The following DNAH3 variants were observed in gnomAD, a reference collection of about 807,000 sequenced individuals.
DNAH3 encodes the protein dynein axonemal heavy chain 3.
DNAH3 carries 332 observed loss-of-function variants against 432.5 expected under a neutral mutation model. That is an observed-to-expected ratio of 0.77 (90% confidence interval 0.70 to 0.84). DNAH3 has a LOEUF of 0.84. DNAH3 is among the 40% of genes least tolerant of loss of function. The pLI is 0.00. For synonymous variants in DNAH3, 1,956 were observed against 1,900.2 expected (o/e 1.03, Z -0.76); for missense variants, 4,861 against 5,114.0 (o/e 0.95, Z 1.51).
rs1251778019 is a variant in DNAH3 at position 20,962,209 on chromosome 16, G to C, written c.10600+1075C>G. On this transcript the variant is annotated intron_variant, in intron 53 of 61. Coordinates refer to ENST00000261383, the Ensembl canonical transcript of DNAH3. ...AATAATTAAAAAAAATAATCATTGT[G>C]CACCTGCTACTGAAATAGTGGATCT... is the stretch of plus-strand genomic sequence containing the variant. Among the ~76,000 whole-genome samples, 3 of 151,950 alleles carry C rather than the reference G, an allele frequency of 2.0e-5. No individual in the cohort carries two copies. The South Asian group carries it at 6.3e-4, about 32-fold the overall frequency.
intron 35 of DNAH3, among the ~76,000 whole-genome samples, chr16:21,035,741 G>A (rs2089136409): frequency 1.3e-5 from 2 of 152,090 alleles, no homozygotes; most frequent in African/African-American, 4.8e-5. Context: ...ATAAATTGGG[G>A]TTCAAAATTG....
intron 8 of DNAH3, among the ~76,000 whole-genome samples, chr16:21,126,816 C>G (rs986342921): frequency 1.8e-4 from 27 of 151,980 alleles, no homozygotes; most frequent in African/African-American, 6.5e-4. Context: ...AAGCGTGAAC[C>G]CTACTGTGAA....
At chr16:20,950,403 C>T (rs2084259483) in intron 56 of DNAH3, among the ~76,000 whole-genome samples, 2 of 152,204 alleles carry the variant, frequency 1.3e-5, no homozygotes, top group South Asian at 2.1e-4. Flanking sequence ...CTAGCCTCCA[C>T]TACTATAACT....
chr16:21,151,185 T>C (rs1046739147), intron 1 of DNAH3, among the ~76,000 whole-genome samples: 1 of 152,198 alleles, frequency 6.6e-6, no homozygotes, highest in East Asian at 1.9e-4. Flanking sequence ...TCTCTCCAAG[T>C]GTCCTTTCCG....
chr16:20,982,913 A>C (rs1488606113), exon 49 of DNAH3: 1 of 1,612,600 alleles, frequency 6.2e-7, no homozygotes, highest in Admixed American at 1.7e-5. Flanking sequence ...TTTGTTAATT[A>C]CCTTCCTCCA....
At chr16:21,019,508 G>T in intron 41 of DNAH3, 116 bp downstream of exon 41, 1 of 1,155,874 alleles carries the variant, frequency 8.7e-7, no homozygotes, top group South Asian at 1.5e-5. Context: ...ATTAGCCACC[G>T]TGCCTGGCCT....
At chr16:21,067,250 T>A (rs142401377) in intron 24 of DNAH3, 33 bp downstream of exon 24, 2 of 1,612,360 alleles carry the variant, frequency 1.2e-6, no homozygotes, top group African/African-American at 2.7e-5. Context: ...GGGGCAAGAA[T>A]GTAATTCCAA....
chr16:20,951,339 T>TA (rs1173633461), intron 56 of DNAH3, among the ~76,000 whole-genome samples: 1 of 152,000 alleles, frequency 6.6e-6, no homozygotes, highest in Non-Finnish European at 1.5e-5. Flanking sequence ...CTTATGCCTT[T>TA]AAGAAGTTTG....
At chr16:20,985,604 T>C (rs777014946) in exon 48 of DNAH3, 3 of 1,614,264 alleles carry the variant, frequency 1.9e-6, no homozygotes, top group Non-Finnish European at 2.5e-6. Context: ...TTCAGGTCAG[T>C]GATCTCATCG....
At chr16:21,082,375 A>T (rs571191532) in intron 19 of DNAH3, among the ~76,000 whole-genome samples, 35 of 152,086 alleles carry the variant, frequency 2.3e-4, no homozygotes, top group Admixed American at 5.9e-4. Flanking sequence ...CTTTTTAAAA[A>T]TTTTTTTGTA....
rs138812210 is a variant in DNAH3 at position 21,134,303 on chromosome 16, C to A, written c.1038G>T (p.Thr346=). ...TCAGCCTGAGCATCATGGGGTTCAC[C>A]GTGTGCAGATGCTCCTCGTTCCACT... Residue 346 remains threonine, a synonymous_variant, in exon 7 of 62, where the codon ACG becomes ACT. Transcript: ENST00000261383. 8 of 1,613,970 alleles carry A rather than the reference C, an allele frequency of 5.0e-6. No individual in the cohort carries two copies. The Admixed American group carries it at 6.7e-5, about 13-fold the overall frequency.
chr16:21,127,928 A>C (rs1438330142), intron 7 of DNAH3, 116 bp from the exon 9 acceptor site: 1 of 1,261,892 alleles, frequency 7.9e-7, no homozygotes, highest in South Asian at 1.3e-5. Flanking sequence ...GCAGAATCAA[A>C]TGAATTACAG....
At chr16:21,090,257 G>GA (rs986065433) in intron 18 of DNAH3, among the ~76,000 whole-genome samples, 1 of 145,628 alleles carries the variant, frequency 6.9e-6, no homozygotes, top group African/African-American at 2.5e-5. Flanking sequence ...ATTAGAAGAA[G>GA]AAAAAAATAA....
chr16:20,979,226 C>T, intron 50 of DNAH3, 104 bp downstream of exon 50: 1 of 1,001,350 alleles, frequency 1.0e-6, no homozygotes, highest in Non-Finnish European at 1.5e-6. Flanking sequence ...GGGTCACATT[C>T]TGCTTGATCT....
intron 50 of DNAH3, among the ~76,000 whole-genome samples, chr16:20,977,586 C>G (rs2085654545): frequency 6.6e-6 from 1 of 152,162 alleles, no homozygotes; most frequent in African/African-American, 2.4e-5. Flanking sequence ...ACCACAAGCA[C>G]AGCAGGCTGG....
intron 2 of DNAH3, 55 bp downstream of exon 3, chr16:21,145,929 G>A (rs2092777250): frequency 1.8e-6 from 2 of 1,094,126 alleles, no homozygotes; most frequent in Admixed American, 1.7e-5. Flanking sequence ...AGAAGTGGGG[G>A]ATGCACTTCA....
exon 24 of DNAH3, chr16:21,067,405 C>T (rs1230836000): frequency 6.2e-7 from 1 of 1,613,858 alleles, no homozygotes; most frequent in Non-Finnish European, 8.5e-7. Context: ...CCACCAGAAT[C>T]CTGTTATCTT....
intron 28 of DNAH3, among the ~76,000 whole-genome samples, chr16:21,052,279 A>T (rs944864961): frequency 2.4e-4 from 37 of 152,328 alleles, no homozygotes; most frequent in African/African-American, 8.4e-4. Flanking sequence ...GGCGTGAGCC[A>T]CCGTGCCCAG....
rs745461546 is a variant in DNAH3, at chr16:20,979,348, G to A, written c.8058C>T (p.Leu2686=). The A allele has an allele frequency of 7.4e-6, 12 of 1,613,910 alleles. No homozygotes were observed. In the Middle Eastern group the frequency reaches 6.6e-4, roughly 89 times the overall value. ...TGCTCACCTGAGAAGCTGCAAAGTC[G>A]AGTTTCTGCAAGCCTGTCAGGTAGC... is the stretch of plus-strand genomic sequence containing the variant. The change falls in exon 50 of 62, where the codon CTC becomes CTT. Residue 2686 remains leucine (L), a synonymous_variant. Coordinates refer to ENST00000261383, the Ensembl canonical transcript of DNAH3.
Sources: gnomAD v4.1 joint callset for allele counts (sites outside exome capture counted in the v4.1 genomes callset) on GRCh38, gnomAD v4.1.1 for gene constraint, MANE v1.5 for transcripts, NCBI Gene and HGNC (gene_info 2026-07-23, HGNC 2026-07-21) for gene names.